The following WDR82 variants were observed in gnomAD, a reference collection of about 807,000 sequenced individuals.
WDR82 encodes WD repeat domain 82.
In WDR82, 8 loss-of-function variants were observed where a neutral mutation model predicts 36.1. The observed-to-expected ratio is 0.22, with a 90% confidence interval of 0.13 to 0.40. The LOEUF (loss-of-function observed/expected upper bound fraction) is 0.40, where lower values mean the gene tolerates loss of function less well. Among genes scored for constraint, WDR82 ranks in the 10% least tolerant of loss-of-function variants. WDR82 has a pLI of 1.00. For missense variants in WDR82, 185 were observed against 400.5 expected (o/e 0.46, Z 4.59); for synonymous variants, 129 against 137.8 (o/e 0.94, Z 0.45).
chr3:52,278,555 T>A lies in WDR82; in HGVS notation c.-194A>T. On this transcript the variant is annotated 5_prime_UTR_variant, in exon 1 of 9. Transcript: ENST00000296490. ...GGTCTTCTGCCTGGACTGTGGAGCC[T>A]CGCCGACCGTTCGTCCTCACAGCCA... 1 of 449,330 alleles carries A rather than the reference T, an allele frequency of 2.2e-6. No homozygotes were observed. Among genetic ancestry groups the A allele is most frequent in the Non-Finnish European group, 3.7e-6 (1 of 273,024 alleles). 27.8% of individuals were successfully genotyped at this position (449,330 alleles called of 1,614,324 possible).
At chr3:52,268,253 C>T (rs1200443176) in intron 2 of WDR82, 1 of 466,510 alleles carries the variant, frequency 2.1e-6, no homozygotes, top group Non-Finnish European at 4.5e-6. Context: ...CTCTCAGCCC[C>T]ACTTGGCAGC....
rs774404179 is a variant in WDR82, at chr3:52,259,805, T to C, written c.611A>G (p.Asn204Ser). 13 of 1,614,060 alleles carry C rather than the reference T, an allele frequency of 8.1e-6. No homozygotes were observed. The highest frequency in any genetic ancestry group is 4.0e-5 in the African/African-American group (3 of 74,928). The change falls in exon 6 of 9, where the codon AAT (asparagine) becomes AGT (serine). Residue 204 changes from asparagine to serine, a missense_variant. By Grantham distance (46) the Asn-to-Ser change is conservative. Transcript: ENST00000296490. Reference sequence around the variant, plus strand: ...GGAAATGAGGATGAGCTTGCCATCATTGCTGAATTTAAGTCCTGTCCACTC... The same window carrying C: ...GGAAATGAGGATGAGCTTGCCATCACTGCTGAATTTAAGTCCTGTCCACTC... ...TCEWTGLKFS[N>S]DGKLILISTN... is the part of the protein sequence containing the mutation.
Position 52,260,496 on chromosome 3 carries a change from G to A in WDR82, c.432C>T (p.Leu144=). 6.4e-7 allele frequency: 1 copy of A among 1,564,196 alleles called. No homozygotes were observed. The highest frequency in any genetic ancestry group is 8.6e-7 in the Non-Finnish European group (1 of 1,163,744). The part of the protein sequence containing the change: ...WDLRSPNCQG[L]MHLQGKPVCS... ...AAACTGGCTTCCCCTGCAGATGCAT[G>A]AGGCCCTAAGAGAAAAGAAATAAGA... The change falls in exon 5 of 9, where the codon CTC becomes CTT. Residue 144 remains leucine (L), a synonymous_variant. Transcript: ENST00000296490.
At chr3:52,272,316 G>C (rs1006801414) in intron 1 of WDR82, among the ~76,000 whole-genome samples, 1 of 152,108 alleles carries the variant, frequency 6.6e-6, no homozygotes, top group African/African-American at 2.4e-5. Context: ...GGCCGAGGAG[G>C]GTGGATTGCC....
intron 1 of WDR82, among the ~76,000 whole-genome samples, chr3:52,271,703 A>G (rs71297387): frequency 0.046 from 6,951 of 152,256 alleles, 266 homozygotes; most frequent in Non-Finnish European, 0.067. Flanking sequence ...CCTATCCTAC[A>G]GGTCAAAAGC....
Position 52,256,683 on chromosome 3 carries a change from G to A in WDR82, c.*807C>T, listed in dbSNP as rs1700012439. On this transcript the variant is annotated 3_prime_UTR_variant, in exon 9 of 9. Transcript: ENST00000296490. ...GCTTTTGTACAAACCAAGCTTGGTAGGCACCCAGGAGGACCGTGGGTTTGT... is the reference window on the plus strand; with the variant it reads ...GCTTTTGTACAAACCAAGCTTGGTAAGCACCCAGGAGGACCGTGGGTTTGT... The A allele has an allele frequency of 6.5e-6, 1 of 153,754 alleles. No individual in the cohort carries two copies. The highest frequency in any genetic ancestry group is 1.9e-4 in the East Asian group (1 of 5,192). 9.5% of individuals were successfully genotyped at this position (153,754 alleles called of 1,614,324 possible).
intron 1 of WDR82, among the ~76,000 whole-genome samples, chr3:52,272,156 TA>T (rs1223414766): frequency 6.6e-6 from 1 of 152,208 alleles, no homozygotes; most frequent in Non-Finnish European, 1.5e-5. Context: ...TGAAGTTCCT[TA>T]AATGTCTCCC....
rs1336115549 is a variant in WDR82, at chr3:52,255,691, C to T, written c.*1799G>A. The stretch of plus-strand genomic sequence containing the variant: ...TGTGATGCCTTGATTTACCCCCTAG[C>T]AGCTACATATTCTTGAGCAAGTCAT... On this transcript the variant is annotated 3_prime_UTR_variant, in exon 9 of 9. Transcript: ENST00000296490. 1 of 152,176 alleles carries T rather than the reference C, an allele frequency of 6.6e-6. No individual in the cohort carries two copies. The allele number at this position is 152,176 out of a possible 1,614,324, so 9.4% of individuals were successfully genotyped here.
intron 1 of WDR82, among the ~76,000 whole-genome samples, chr3:52,277,975 G>A (rs887248684): frequency 2.6e-5 from 4 of 152,154 alleles, no homozygotes; most frequent in Admixed American, 1.3e-4. Context: ...GGAGACCGAA[G>A]ACATACAAAT....
Position 52,278,345 on chromosome 3 carries a change from C to T in WDR82, c.17G>A (p.Ser6Asn), listed in dbSNP as rs1440048734. The T allele has an allele frequency of 3.2e-6, 5 of 1,584,008 alleles. No homozygotes were observed. Among genetic ancestry groups the T allele is most frequent in the African/African-American group, 1.4e-5 (1 of 72,436 alleles). The part of the protein sequence containing the change: MKLTD[S>N]VLRSFRVAKV... ...AGCGACGCGGAAGCTCCGCAACACGCTGTCGGTCAGCTTCATGGCGGCGGC... is the reference window on the plus strand; with the variant it reads ...AGCGACGCGGAAGCTCCGCAACACGTTGTCGGTCAGCTTCATGGCGGCGGC... The change falls in exon 1 of 9, where the codon AGC becomes AAC. Residue 6 changes from serine to asparagine, a missense_variant. Physicochemically the swap from Ser to Asn is conservative, Grantham distance 46. Around this residue, in one of 3 missense-constraint regions of WDR82, gnomAD observed 49 missense variants for 80.6 expected, o/e 0.61. Transcript: ENST00000296490.
At chr3:52,263,745 T>C (rs1002064139) in intron 3 of WDR82, among the ~76,000 whole-genome samples, 7 of 152,108 alleles carry the variant, frequency 4.6e-5, no homozygotes, top group African/African-American at 1.4e-4. Context: ...GAGACAGAGA[T>C]GAATAAATAT....
At chr3:52,278,098 A>C (rs1700223948) in intron 1 of WDR82, 103 bp downstream of exon 1, 1 of 1,294,560 alleles carries the variant, frequency 7.7e-7, no homozygotes, top group East Asian at 2.9e-5. Flanking sequence ...CGTGCAAAAT[A>C]GGCTGGGGGC....
intron 1 of WDR82, among the ~76,000 whole-genome samples, chr3:52,272,124 G>A (rs1156709770): frequency 6.6e-6 from 1 of 152,162 alleles, no homozygotes; most frequent in Non-Finnish European, 1.5e-5. Context: ...TTCCAAGCTA[G>A]AGGTTATCAA....
At chr3:52,274,184 C>A (rs910482342) in intron 1 of WDR82, among the ~76,000 whole-genome samples, 2 of 152,198 alleles carry the variant, frequency 1.3e-5, no homozygotes, top group Admixed American at 6.5e-5. Context: ...ATTTAAATGA[C>A]CAGTAAACTG....
intron 3 of WDR82, 124 bp downstream of exon 3, chr3:52,266,828 G>A (rs1014179480): frequency 2.6e-6 from 2 of 778,828 alleles, no homozygotes; most frequent in Admixed American, 2.3e-5. Flanking sequence ...AAGAGAAGAT[G>A]AAGAATGCCA....
intron 6 of WDR82, 47 bp downstream of exon 6, chr3:52,259,669 AG>A (rs779345731): frequency 1.3e-5 from 20 of 1,576,792 alleles, no homozygotes; most frequent in Non-Finnish European, 1.6e-5. Context: ...TTCTTAGCAT[AG>A]GAAGTATGAG....
chr3:52,278,273 C>T lies in WDR82; in HGVS notation c.89G>A (p.Ser30Asn). 1 of 1,611,670 alleles carries T rather than the reference C, an allele frequency of 6.2e-7. No individual in the cohort carries two copies. Residue 30 changes from serine to asparagine, a missense_variant, in exon 1 of 9, where the codon AGC (serine) becomes AAC (asparagine). Around this residue, in one of 3 missense-constraint regions of WDR82, gnomAD observed 49 missense variants for 80.6 expected, o/e 0.61. Transcript: ENST00000296490. ...CGAGATGACCGTCTCGCCGTTGGGGCTGAAATCGAAGCAGTTAATCTTGTC... is the reference window on the plus strand; with the variant it reads ...CGAGATGACCGTCTCGCCGTTGGGGTTGAAATCGAAGCAGTTAATCTTGTC... ...NSDKINCFDFSPNGETVISSS... is the reference protein window; with the variant it reads ...NSDKINCFDFNPNGETVISSS...
chr3:52,256,578 AAAC>A lies in WDR82; in HGVS notation c.*909_*911del, dbSNP rs1425648547. The A allele has an allele frequency of 6.5e-6, 1 of 153,802 alleles. No homozygotes were observed. The highest frequency in any genetic ancestry group is 1.9e-4 in the East Asian group (1 of 5,190). The allele number at this position is 153,802 out of a possible 1,614,324, so 9.5% of individuals were successfully genotyped here. On this transcript the variant is annotated 3_prime_UTR_variant, in exon 9 of 9. Coordinates refer to ENST00000296490, the MANE Select transcript of WDR82 (RefSeq NM_025222.4). ...TGGTGGGCAGGGAAGGCATCAGTGTAAACAACTCAGACTCACTTCACAATACTG... is the reference window on the plus strand; with the variant it reads ...TGGTGGGCAGGGAAGGCATCAGTGTAAACTCAGACTCACTTCACAATACTG...
At chr3:52,269,397 C>T (rs1024036274) in intron 2 of WDR82, among the ~76,000 whole-genome samples, 5 of 152,274 alleles carry the variant, frequency 3.3e-5, no homozygotes, top group Middle Eastern at 3.4e-3. Flanking sequence ...ATCGCTTGAA[C>T]CCAGGAGGCT....
Sources: gnomAD v4.1 joint callset for allele counts (sites outside exome capture counted in the v4.1 genomes callset) on GRCh38, gnomAD v4.1.1 for gene constraint, gnomAD v4.1.1 regional missense constraint, MANE v1.5 for transcripts, NCBI Gene and HGNC (gene_info 2026-07-23, HGNC 2026-07-21) for gene names.